The following PCCB variants were observed in gnomAD, a reference collection of about 807,000 sequenced individuals.
The protein encoded by PCCB is propionyl-CoA carboxylase subunit beta, also known as propionyl-CoA carboxylase beta chain, mitochondrial.
In PCCB, 43 loss-of-function variants were observed where a neutral mutation model predicts 60.7. That is an observed-to-expected ratio of 0.71 (90% CI 0.55 to 0.91). The LOEUF (loss-of-function observed/expected upper bound fraction) is 0.91, where lower values mean the gene tolerates loss of function less well. Ranked by LOEUF, PCCB falls within the 40% of genes least tolerant of loss-of-function variation. The pLI, the probability that PCCB is intolerant of heterozygous loss-of-function variation, is 0.00. For missense variants in PCCB, 766 were observed against 702.8 expected (o/e 1.09, Z -1.02); for synonymous variants, 276 against 255.9 (o/e 1.08, Z -0.75).
intron 5 of PCCB, among the ~76,000 whole-genome samples, chr3:136,263,487 A>T (rs1941887461): frequency 6.6e-6 from 1 of 151,094 alleles, no homozygotes; most frequent in Non-Finnish European, 1.5e-5. Context: ...GCGCAGGCTT[A>T]TCTTGAACTT....
chr3:136,284,920 C>G (rs1370742897), intron 6 of PCCB, among the ~76,000 whole-genome samples: 2 of 151,832 alleles, frequency 1.3e-5, no homozygotes, highest in East Asian at 3.9e-4. Flanking sequence ...AACCCCATCT[C>G]TACAAAAAAA....
chr3:136,275,960 G>A (rs1187839528), intron 5 of PCCB, among the ~76,000 whole-genome samples: 2 of 152,136 alleles, frequency 1.3e-5, no homozygotes, highest in East Asian at 1.9e-4. Context: ...TAGTAGAGAC[G>A]GGGTTTCAGG....
At chr3:136,295,640 T>C (rs1933897453) in intron 7 of PCCB, among the ~76,000 whole-genome samples, 1 of 152,200 alleles carries the variant, frequency 6.6e-6, no homozygotes, top group South Asian at 2.1e-4. Flanking sequence ...TTTTCCCCAT[T>C]TTAATAGCAT....
Position 136,298,090 on chromosome 3 carries a change from G to A in PCCB, c.884+18G>A. ...GATCCCAGGTGGGTTGTAGGCCGGT[G>A]CACCTTCTCTCATTTTGCAGTGTAG... On this transcript the variant is annotated intron_variant, in intron 8 of 14. Transcript: ENST00000251654. 6.2e-7 allele frequency: 1 copy of A among 1,613,958 alleles called. No homozygotes were observed. Among genetic ancestry groups the A allele is most frequent in the Non-Finnish European group, 8.5e-7 (1 of 1,179,928 alleles).
chr3:136,255,148 A>G (rs985836032), intron 1 of PCCB, among the ~76,000 whole-genome samples: 4 of 152,120 alleles, frequency 2.6e-5, no homozygotes, highest in African/African-American at 9.7e-5. Flanking sequence ...TGCTGGGATT[A>G]CAGGCGTGAA....
intron 8 of PCCB, among the ~76,000 whole-genome samples, chr3:136,299,070 T>C (rs939970817): frequency 6.6e-6 from 1 of 152,096 alleles, no homozygotes; most frequent in Non-Finnish European, 1.5e-5. Context: ...GTATACAGTT[T>C]GGAGTTCCTG....
rs535943678 is a variant in PCCB at position 136,301,026 on chromosome 3, A to G, written c.885-4A>G. 3 of 1,613,698 alleles carry G rather than the reference A, an allele frequency of 1.9e-6. No individual in the cohort carries two copies. Among genetic ancestry groups the G allele is most frequent in the South Asian group, 1.1e-5 (1 of 91,074 alleles). On this transcript the variant is annotated splice_polypyrimidine_tract_variant and splice_region_variant and intron_variant, in intron 8 of 14. Transcript: ENST00000251654. ...GACTATACCTGCCTTTTTTCTGCCT[A>G]AAGTGACCGTCTGGTTCCTGAGCTT...
intron 7 of PCCB, among the ~76,000 whole-genome samples, chr3:136,295,139 C>T (rs1260202872): frequency 4.6e-5 from 7 of 152,180 alleles, no homozygotes; most frequent in African/African-American, 1.4e-4. Context: ...GGATTACCTA[C>T]CACACAGCAA....
chr3:136,300,119 C>T (rs1285699633), intron 8 of PCCB, among the ~76,000 whole-genome samples: 2 of 151,266 alleles, frequency 1.3e-5, no homozygotes, highest in East Asian at 3.9e-4. Context: ...CATATCTACA[C>T]GTGTATATAT....
At chr3:136,300,166 A>T (rs571394545) in intron 8 of PCCB, among the ~76,000 whole-genome samples, 1 of 128,582 alleles carries the variant, frequency 7.8e-6, no homozygotes, top group Non-Finnish European at 1.7e-5. Context: ...ATATATACAC[A>T]TATGTATATG....
chr3:136,300,105 C>T (rs1196791598), intron 8 of PCCB, among the ~76,000 whole-genome samples: 1 of 151,814 alleles, frequency 6.6e-6, no homozygotes, highest in Non-Finnish European at 1.5e-5. Context: ...CATATACATA[C>T]ATGCATATCT....
chr3:136,277,430 C>A (rs916259833), intron 5 of PCCB, among the ~76,000 whole-genome samples: 1 of 152,026 alleles, frequency 6.6e-6, no homozygotes, highest in African/African-American at 2.4e-5. Flanking sequence ...CCTGTGTTGC[C>A]CAGGAGGTAT....
At chr3:136,294,446 G>A (rs1933844213) in intron 7 of PCCB, among the ~76,000 whole-genome samples, 1 of 151,850 alleles carries the variant, frequency 6.6e-6, no homozygotes, top group South Asian at 2.1e-4. Context: ...TGGGTAGCTA[G>A]GACTACAGGC....
intron 5 of PCCB, among the ~76,000 whole-genome samples, chr3:136,269,659 G>T (rs764595082): frequency 6.6e-6 from 1 of 152,028 alleles, no homozygotes; most frequent in African/African-American, 2.4e-5. Context: ...GCCGAGGTGG[G>T]CATATCACGA....
chr3:136,270,630 C>T (rs190040613), intron 5 of PCCB, among the ~76,000 whole-genome samples: 11 of 152,222 alleles, frequency 7.2e-5, no homozygotes, highest in East Asian at 3.9e-4. Flanking sequence ...CTCAGCCTCC[C>T]GAGTAGCTGG....
chr3:136,267,367 C>A (rs1942032503), intron 5 of PCCB, among the ~76,000 whole-genome samples: 1 of 151,912 alleles, frequency 6.6e-6, no homozygotes, highest in African/African-American at 2.4e-5. Context: ...TGAAAAATTT[C>A]TTTTGTGTGT....
intron 7 of PCCB, among the ~76,000 whole-genome samples, chr3:136,296,961 G>C (rs1933967987): frequency 6.6e-6 from 1 of 152,212 alleles, no homozygotes; most frequent in Admixed American, 6.5e-5. Flanking sequence ...TTCTAGTAGA[G>C]GAGATAGACA....
intron 5 of PCCB, among the ~76,000 whole-genome samples, chr3:136,275,055 A>T (rs1576319747): frequency 6.6e-6 from 1 of 152,042 alleles, no homozygotes; most frequent in African/African-American, 2.4e-5. Flanking sequence ...CAAGCAGTCC[A>T]CCTGCCTTGC....
In PCCB at chr3:136,293,131, AGCTAGGACTACAGGCACAT is replaced by A. The variant is rs571498862; in HGVS notation, c.655-622_655-604del. Among the ~76,000 whole-genome samples the A allele has an allele frequency of 9.2e-5, 14 of 152,286 alleles. No homozygotes were observed. The South Asian group carries it at 2.7e-3, about 29-fold the overall frequency. On this transcript the variant is annotated intron_variant, in intron 6 of 14. Coordinates refer to ENST00000251654, the MANE Select transcript of PCCB (RefSeq NM_000532.5). ...ATTGTCCCGCCTCACTCTCCTGAATAGCTAGGACTACAGGCACATGCCACCAGGCCTACCTAATTGAAAC... is the reference window on the plus strand; with the variant it reads ...ATTGTCCCGCCTCACTCTCCTGAATAGCCACCAGGCCTACCTAATTGAAAC...
Sources: gnomAD v4.1 joint callset for allele counts (sites outside exome capture counted in the v4.1 genomes callset) on GRCh38, gnomAD v4.1.1 for gene constraint, MANE v1.5 for transcripts, NCBI Gene and HGNC (gene_info 2026-07-23, HGNC 2026-07-21) for gene names.